LRRC3B: variants seen among roughly 807,000 people sequenced by gnomAD.
LRRC3B encodes the protein leucine rich repeat containing 3B, also known as leucine-rich repeat-containing protein 3B.
LRRC3B carries 2 observed loss-of-function variants against 12.8 expected under a neutral mutation model. The observed-to-expected ratio is 0.16, with a 90% CI of 0.06 to 0.49. LRRC3B has a LOEUF of 0.49. LRRC3B is among the 20% of genes least tolerant of loss of function. The pLI is 0.96. For missense variants in LRRC3B, 189 were observed against 319.4 expected (o/e 0.59, Z 3.11); for synonymous variants, 132 against 122.0 (o/e 1.08, Z -0.54).
At chr3:26,688,665 T>C (rs1239663206) in intron 1 of LRRC3B, among the ~76,000 whole-genome samples, 1 of 152,110 alleles carries the variant, frequency 6.6e-6, no homozygotes, top group East Asian at 1.9e-4. Context: ...CTCATCATCA[T>C]GAGAACAGCA....
intron 1 of LRRC3B, among the ~76,000 whole-genome samples, chr3:26,648,079 T>C (rs1191711569): frequency 6.6e-6 from 1 of 151,726 alleles, no homozygotes; most frequent in Admixed American, 6.6e-5. Context: ...GTATAAAAAG[T>C]TTGGGGTTTT....
At chr3:26,656,731 T>C (rs1433147383) in intron 1 of LRRC3B, among the ~76,000 whole-genome samples, 3 of 152,188 alleles carry the variant, frequency 2.0e-5, no homozygotes, top group African/African-American at 7.2e-5. Flanking sequence ...CTGACAACCA[T>C]TGCTAGAGTC....
chr3:26,674,247 C>G (rs1699811921), intron 1 of LRRC3B, among the ~76,000 whole-genome samples: 1 of 152,122 alleles, frequency 6.6e-6, no homozygotes, highest in African/African-American at 2.4e-5. Context: ...TGCACCATCT[C>G]CAATTCAACA....
intron 1 of LRRC3B, among the ~76,000 whole-genome samples, chr3:26,675,783 T>C (rs905202889): frequency 6.6e-6 from 1 of 152,194 alleles, no homozygotes; most frequent in African/African-American, 2.4e-5. Context: ...TAGGTTGATA[T>C]GAAACGCCTT....
chr3:26,650,525 G>A (rs1173043814), intron 1 of LRRC3B, among the ~76,000 whole-genome samples: 2 of 152,158 alleles, frequency 1.3e-5, no homozygotes, highest in African/African-American at 4.8e-5. Flanking sequence ...CTGGATACAG[G>A]CAATAAGCAA....
intron 1 of LRRC3B, among the ~76,000 whole-genome samples, chr3:26,656,826 AAAATTAGAGTG>A (rs1303793194): frequency 6.6e-6 from 1 of 152,210 alleles, no homozygotes; most frequent in Non-Finnish European, 1.5e-5. Context: ...ATTTAAAATC[AAAATTAGAGTG>A]AAATAAGATG....
chr3:26,671,732 CT>C (rs1699753576), intron 1 of LRRC3B, among the ~76,000 whole-genome samples: 1 of 152,028 alleles, frequency 6.6e-6, no homozygotes, highest in African/African-American at 2.4e-5. Flanking sequence ...AACACTAGCT[CT>C]TTTCTGCAAA....
At chr3:26,707,357 T>C (rs9837527) in intron 1 of LRRC3B, among the ~76,000 whole-genome samples, 115,761 of 151,936 alleles carry the variant, frequency 0.76, 44,998 homozygotes, top group African/African-American at 0.92. Flanking sequence ...CAGAGCAAGA[T>C]TCCATCTCAA....
chr3:26,634,984 A>C (rs1316284255), intron 1 of LRRC3B, among the ~76,000 whole-genome samples: 2 of 152,242 alleles, frequency 1.3e-5, no homozygotes, highest in Non-Finnish European at 2.9e-5. Flanking sequence ...TGCCTGATCG[A>C]ACATGATCAT....
intron 1 of LRRC3B, among the ~76,000 whole-genome samples, chr3:26,662,095 A>G (rs192179858): frequency 1.2e-3 from 186 of 152,298 alleles, no homozygotes; most frequent in South Asian, 1.9e-3. Context: ...CATTAAAGAA[A>G]TATGCATTTC....
In LRRC3B at chr3:26,643,249, TGTGTGA is replaced by T. The variant is rs202230540; in HGVS notation, c.-161+20018_-161+20023del. Among the ~76,000 whole-genome samples, 187 of 106,088 alleles carry T rather than the reference TGTGTGA, an allele frequency of 1.8e-3. No homozygotes were observed. In the East Asian group the frequency reaches 0.08, roughly 46 times the overall value. 69.6% of individuals were successfully genotyped at this position (106,088 alleles called of 152,430 possible). A position where few individuals can be genotyped will look rare whatever the true frequency, so the allele number is the denominator to read the frequency against. ...TGATGTGGTTTTGTATACACACATA[TGTGTGA>T]GTGTGTGTGTGTGTGTGTGTGTATA... On this transcript the variant is annotated intron_variant, in intron 1 of 1. Coordinates refer to ENST00000396641, the Ensembl canonical transcript of LRRC3B.
exon 2 of LRRC3B, chr3:26,709,616 T>C: frequency 2.6e-6 from 4 of 1,557,712 alleles, no homozygotes; most frequent in Non-Finnish European, 3.5e-6. Flanking sequence ...CTGGAACCTT[T>C]ACCACGCTTG....
chr3:26,702,619 G>T (rs1034758235), intron 1 of LRRC3B, among the ~76,000 whole-genome samples: 3 of 152,196 alleles, frequency 2.0e-5, no homozygotes, highest in African/African-American at 7.2e-5. Flanking sequence ...AAAGGAGATT[G>T]TTATGAACCA....
intron 1 of LRRC3B, 130 bp downstream of exon 1, chr3:26,623,367 C>T (rs1279720508): frequency 6.6e-6 from 1 of 152,464 alleles, no homozygotes; most frequent in Non-Finnish European, 1.5e-5. Context: ...CCTGTCTAAG[C>T]CTCCCTGATC....
At chr3:26,697,669 T>C (rs906353173) in intron 1 of LRRC3B, among the ~76,000 whole-genome samples, 1 of 152,024 alleles carries the variant, frequency 6.6e-6, no homozygotes, top group Admixed American at 6.6e-5. Context: ...TATTCAAACA[T>C]CCCCCAAAAT....
intron 1 of LRRC3B, among the ~76,000 whole-genome samples, chr3:26,708,711 C>A (rs1448401375): frequency 5.3e-5 from 8 of 152,138 alleles, no homozygotes; most frequent in Admixed American, 2.6e-4. Flanking sequence ...TATATGTATG[C>A]AACATGCAAC....
intron 1 of LRRC3B, among the ~76,000 whole-genome samples, chr3:26,651,952 T>G (rs1699273723): frequency 6.6e-6 from 1 of 152,144 alleles, no homozygotes; most frequent in South Asian, 2.1e-4. Flanking sequence ...TGACATCATA[T>G]CTCATTGGAA....
At chr3:26,685,789 C>A (rs1205936481) in intron 1 of LRRC3B, among the ~76,000 whole-genome samples, 1 of 151,876 alleles carries the variant, frequency 6.6e-6, no homozygotes, top group Non-Finnish European at 1.5e-5. Flanking sequence ...CTGCTTTCCT[C>A]CTTTCAGACT....
intron 1 of LRRC3B, among the ~76,000 whole-genome samples, chr3:26,625,990 C>T (rs547499932): frequency 4.9e-4 from 74 of 152,312 alleles, no homozygotes; most frequent in African/African-American, 1.8e-3. Context: ...GAGTGTGTCC[C>T]ATACTCCCAG....
Sources: allele counts gnomAD v4.1 joint callset (sites outside exome capture counted in the v4.1 genomes callset), GRCh38; gene constraint gnomAD v4.1.1; transcripts MANE v1.5; gene names NCBI Gene and HGNC (gene_info 2026-07-23, HGNC 2026-07-21).